FOXP1: variants seen among roughly 807,000 people sequenced by gnomAD.
FOXP1 encodes the protein forkhead box protein P1.
FOXP1 carries 15 observed loss-of-function variants against 98.2 expected under a neutral mutation model. The ratio of observed to expected loss-of-function variants is 0.15; its 90% CI spans 0.10 to 0.24. The LOEUF (loss-of-function observed/expected upper bound fraction) is 0.24. FOXP1 is among the 10% of genes least tolerant of loss of function. FOXP1 has a pLI of 1.00. For synonymous variants in FOXP1, 371 were observed against 314.5 expected (o/e 1.18, Z -1.90); for missense variants, 633 against 848.5 (o/e 0.75, Z 3.15).
intron 18 of FOXP1, chr3:70,971,938 C>T (rs1353875567): frequency 3.2e-6 from 4 of 1,238,418 alleles, no homozygotes; most frequent in Non-Finnish European, 4.2e-6. Flanking sequence ...TGCAAAACTA[C>T]ATGGGATGAG....
intron 5 of FOXP1, among the ~76,000 whole-genome samples, chr3:71,299,403 G>C (rs935539043): frequency 6.6e-6 from 1 of 152,146 alleles, no homozygotes; most frequent in Non-Finnish European, 1.5e-5. Flanking sequence ...TTATAAAGCC[G>C]CCAGATGAAC....
chr3:71,457,551 G>A (rs1192940353), intron 3 of FOXP1, among the ~76,000 whole-genome samples: 1 of 152,086 alleles, frequency 6.6e-6, no homozygotes, highest in Non-Finnish European at 1.5e-5. Context: ...AAGACCAAAA[G>A]GACTCAGGAG....
intron 6 of FOXP1, among the ~76,000 whole-genome samples, chr3:71,174,896 C>G (rs1186632367): frequency 6.7e-6 from 1 of 149,820 alleles, no homozygotes; most frequent in African/African-American, 2.5e-5. Flanking sequence ...CAGGTATGAC[C>G]AAGTTGGAGT....
At chr3:70,966,940 T>C (rs545725839) in intron 19 of FOXP1, among the ~76,000 whole-genome samples, 1 of 152,224 alleles carries the variant, frequency 6.6e-6, no homozygotes, top group Non-Finnish European at 1.5e-5. Flanking sequence ...CATATACCAC[T>C]GGACTAAGTA....
chr3:71,449,169 ATG>A (rs1404497145), intron 3 of FOXP1, among the ~76,000 whole-genome samples: 1 of 152,130 alleles, frequency 6.6e-6, no homozygotes, highest in African/African-American at 2.4e-5. Context: ...CAAAAAATTG[ATG>A]TGTTTTACTT....
intron 4 of FOXP1, among the ~76,000 whole-genome samples, chr3:71,326,368 C>T (rs1490041738): frequency 2.6e-5 from 4 of 152,090 alleles, no homozygotes; most frequent in Admixed American, 6.5e-5. Context: ...AAAAGAGGCT[C>T]GGATGAAAAA....
chr3:71,250,436 T>G (rs1358148502), intron 5 of FOXP1, among the ~76,000 whole-genome samples: 1 of 152,168 alleles, frequency 6.6e-6, no homozygotes, highest in African/African-American at 2.4e-5. Flanking sequence ...TTTATGTAAG[T>G]TTAATTAATT....
rs537765860 is a variant in FOXP1, at chr3:71,171,339, T to C, written c.180+26863A>G. On this transcript the variant is annotated intron_variant, in intron 6 of 20. Transcript: ENST00000649528. ...CATCACATTACTACCAGACAGAAAC[T>C]CTTTAAGTACCATTTTCAGATGTTA... is the stretch of plus-strand genomic sequence containing the variant. Among the ~76,000 whole-genome samples the C allele has an allele frequency of 8.5e-5, 13 of 152,252 alleles. No individual in the cohort carries two copies. In the South Asian group the frequency reaches 2.7e-3, roughly 32 times the overall value.
At chr3:71,044,132 G>A (rs2048714347) in intron 10 of FOXP1, among the ~76,000 whole-genome samples, 2 of 152,186 alleles carry the variant, frequency 1.3e-5, no homozygotes, top group South Asian at 4.1e-4. Flanking sequence ...AAAGGGTGTT[G>A]TTATTTGACA....
intron 11 of FOXP1, among the ~76,000 whole-genome samples, chr3:71,023,501 C>T (rs1409799670): frequency 2.0e-5 from 3 of 152,180 alleles, no homozygotes; most frequent in Non-Finnish European, 4.4e-5. Flanking sequence ...CAATGGCAGG[C>T]ATCGATGGAA....
intron 5 of FOXP1, chr3:71,245,073 T>G (rs1248715447): frequency 6.6e-6 from 1 of 152,068 alleles, no homozygotes; most frequent in Non-Finnish European, 1.5e-5. Flanking sequence ...TATACAGAGC[T>G]CAGTGGCAGA....
At chr3:71,170,997 G>A (rs2061625880) in intron 6 of FOXP1, among the ~76,000 whole-genome samples, 1 of 152,002 alleles carries the variant, frequency 6.6e-6, no homozygotes, top group African/African-American at 2.4e-5. Context: ...AGGAAGGCGG[G>A]CATGATTCTT....
intron 14 of FOXP1, among the ~76,000 whole-genome samples, chr3:70,979,388 T>A (rs1370802645): frequency 6.7e-6 from 1 of 149,134 alleles, no homozygotes; most frequent in Non-Finnish European, 1.5e-5. Context: ...GTACTGTTCT[T>A]ACAAATACTA....
At chr3:71,136,775 T>C (rs942922680) in intron 6 of FOXP1, among the ~76,000 whole-genome samples, 1 of 151,400 alleles carries the variant, frequency 6.6e-6, no homozygotes, top group African/African-American at 2.4e-5. Flanking sequence ...GAAGAACAGG[T>C]TTTTACATTT....
At chr3:71,074,617 C>G (rs191097380) in intron 7 of FOXP1, among the ~76,000 whole-genome samples, 5 of 152,176 alleles carry the variant, frequency 3.3e-5, no homozygotes, top group Admixed American at 3.3e-4. Flanking sequence ...ATCCCATATG[C>G]CAATCTGGAG....
chr3:71,308,142 T>C (rs191708913), intron 4 of FOXP1, among the ~76,000 whole-genome samples: 1 of 140,494 alleles, frequency 7.1e-6, no homozygotes, highest in African/African-American at 2.7e-5. Flanking sequence ...TGAGAGAAAA[T>C]GCAGGGGGAA....
chr3:71,432,388 A>G (rs2084799216), intron 3 of FOXP1, among the ~76,000 whole-genome samples: 1 of 152,084 alleles, frequency 6.6e-6, no homozygotes, highest in Admixed American at 6.6e-5. Context: ...CCACCCCTGA[A>G]CCAGCTTCTG....
intron 2 of FOXP1, among the ~76,000 whole-genome samples, chr3:71,565,375 T>C (rs11708389): frequency 0.086 from 13,050 of 152,238 alleles, 764 homozygotes; most frequent in Middle Eastern, 0.2. Context: ...TTTTGGTTGT[T>C]ACCAATTCGT....
intron 3 of FOXP1, among the ~76,000 whole-genome samples, chr3:71,455,579 A>G (rs985500148): frequency 6.6e-6 from 1 of 152,232 alleles, no homozygotes; most frequent in Non-Finnish European, 1.5e-5. Flanking sequence ...GTGGGATTTC[A>G]AAGAATTAAC....
Sources: allele counts gnomAD v4.1 joint callset (sites outside exome capture counted in the v4.1 genomes callset), GRCh38; gene constraint gnomAD v4.1.1; transcripts MANE v1.5; gene names NCBI Gene and HGNC (gene_info 2026-07-23, HGNC 2026-07-21).